Variants in HS3ST5 observed in about 807,000 individuals in gnomAD.
The protein encoded by HS3ST5 is heparan sulfate-glucosamine 3-sulfotransferase 5, also known as heparan sulfate glucosamine 3-O-sulfotransferase 5.
A neutral mutation model predicts 25.4 loss-of-function variants in HS3ST5; 10 were observed. The ratio of observed to expected loss-of-function variants is 0.39; its 90% CI spans 0.24 to 0.67. The LOEUF (loss-of-function observed/expected upper bound fraction) is 0.67, where lower values mean the gene tolerates loss of function less well. HS3ST5 is among the 30% of genes least tolerant of loss of function. The pLI is 0.44. For missense variants in HS3ST5, 324 were observed against 420.7 expected, an observed-to-expected ratio of 0.77 and a Z score of 2.01; for synonymous variants, 170 against 162.4, an observed-to-expected ratio of 1.05 and a Z score of -0.36.
chr6:114,162,251 T>C (rs1034570219), intron 3 of HS3ST5, among the ~76,000 whole-genome samples: 2 of 152,188 alleles, frequency 1.3e-5, no homozygotes, highest in Non-Finnish European at 2.9e-5. Context: ...GAATATTATA[T>C]ATAATGTCTC....
At chr6:114,324,043 A>G (rs1359919534) in intron 1 of HS3ST5, among the ~76,000 whole-genome samples, 1 of 152,146 alleles carries the variant, frequency 6.6e-6, no homozygotes, top group Non-Finnish European at 1.5e-5. Context: ...AGATTCTGAG[A>G]GTATAAGATT....
rs1267871450 is a variant in HS3ST5, at chr6:114,342,601, G to A, written c.-745C>T. 2 of 154,010 alleles carry A rather than the reference G, an allele frequency of 1.3e-5. No individual in the cohort carries two copies. Among genetic ancestry groups the A allele is most frequent in the East Asian group, 3.9e-4 (2 of 5,174 alleles). The allele number at this position is 154,010 out of a possible 1,614,324, so 9.5% of individuals were successfully genotyped here. ...ACGGCACGGGCGGCCGCAGGAGCCG[G>A]AGTCCGCGCAGTGCCGGAGACCGCA... On this transcript the variant is annotated 5_prime_UTR_variant, in exon 1 of 5. Transcript: ENST00000312719.
intron 3 of HS3ST5, among the ~76,000 whole-genome samples, chr6:114,156,154 C>T (rs1778687688): frequency 6.6e-6 from 1 of 151,942 alleles, no homozygotes; most frequent in African/African-American, 2.4e-5. Context: ...AAGGACAGGA[C>T]CTTTCCTTCC....
intron 3 of HS3ST5, among the ~76,000 whole-genome samples, chr6:114,089,501 C>A (rs1454981982): frequency 1.3e-5 from 2 of 152,172 alleles, no homozygotes; most frequent in East Asian, 3.8e-4. Context: ...TGATATTTTA[C>A]AGAGCACCTG....
At chr6:114,099,180 G>A (rs1016050389) in intron 3 of HS3ST5, among the ~76,000 whole-genome samples, 2 of 152,128 alleles carry the variant, frequency 1.3e-5, no homozygotes, top group African/African-American at 4.8e-5. Flanking sequence ...TAGAGGGTCA[G>A]CCATAAGCCT....
At chr6:114,213,648 C>T (rs1454021530) in intron 2 of HS3ST5, among the ~76,000 whole-genome samples, 5 of 152,094 alleles carry the variant, frequency 3.3e-5, no homozygotes, top group African/African-American at 1.2e-4. Context: ...CCAGGTATCT[C>T]AAGATAAGGT....
chr6:114,154,567 T>C (rs868182077), intron 3 of HS3ST5, among the ~76,000 whole-genome samples: 1 of 152,196 alleles, frequency 6.6e-6, no homozygotes, highest in African/African-American at 2.4e-5. Context: ...AACTGTGACA[T>C]ATTTGAATAA....
intron 3 of HS3ST5, among the ~76,000 whole-genome samples, chr6:114,109,089 G>A (rs139665193): frequency 1.2e-4 from 18 of 152,194 alleles, no homozygotes; most frequent in African/African-American, 4.3e-4. Flanking sequence ...CTTAAGCCTG[G>A]GAGGTCAAGG....
chr6:114,173,815 C>T (rs1779588010), intron 2 of HS3ST5, among the ~76,000 whole-genome samples: 2 of 152,094 alleles, frequency 1.3e-5, no homozygotes, highest in Admixed American at 1.3e-4. Context: ...GCCAAGATCA[C>T]ACCACTGCAT....
chr6:114,100,229 T>TA (rs1775652408), intron 3 of HS3ST5, among the ~76,000 whole-genome samples: 2 of 152,088 alleles, frequency 1.3e-5, no homozygotes, highest in African/African-American at 4.8e-5. Context: ...CTTCCCCACA[T>TA]ACATGTCTTT....
intron 3 of HS3ST5, among the ~76,000 whole-genome samples, chr6:114,102,487 T>C: frequency 6.6e-6 from 1 of 152,110 alleles, no homozygotes; most frequent in East Asian, 1.9e-4. Flanking sequence ...GGGTCCCCAA[T>C]GCCTTAGATG....
At chr6:114,232,006 G>A (rs1251073652) in intron 1 of HS3ST5, among the ~76,000 whole-genome samples, 2 of 151,812 alleles carry the variant, frequency 1.3e-5, no homozygotes, top group Non-Finnish European at 2.9e-5. Context: ...GTGAATCTAG[G>A]GATTCCTTTT....
In HS3ST5 at chr6:114,058,100, G is replaced by C. The variant is rs779847394; in HGVS notation, c.198C>G (p.Gly66=). Residue 66 remains glycine, a synonymous_variant, in exon 5 of 5, where the codon GGC becomes GGG. Transcript: ENST00000312719. The part of the protein sequence containing the change: ...FPLRALQFKR[G]LLHEFRKGNA... Reference sequence around the variant, plus strand: ...TGCCCTTCCGGAACTCGTGCAGCAGGCCACGCTTAAACTGCAGGGCGCGAA... The same window carrying C: ...TGCCCTTCCGGAACTCGTGCAGCAGCCCACGCTTAAACTGCAGGGCGCGAA... 6.2e-7 allele frequency: 1 copy of C among 1,614,132 alleles called. No homozygotes were observed. Among genetic ancestry groups the C allele is most frequent in the South Asian group, 1.1e-5 (1 of 91,072 alleles).
intron 1 of HS3ST5, among the ~76,000 whole-genome samples, chr6:114,300,509 C>T (rs1590320): frequency 0.65 from 98,436 of 151,914 alleles, 32,248 homozygotes; most frequent in African/African-American, 0.7. Context: ...ATAATAAGTG[C>T]TGGTAAGAAT....
At chr6:114,180,140 C>T (rs77925522) in intron 2 of HS3ST5, among the ~76,000 whole-genome samples, 1 of 152,094 alleles carries the variant, frequency 6.6e-6, no homozygotes, top group African/African-American at 2.4e-5. Context: ...TCTGGCAACA[C>T]CCAGAAACAC....
chr6:114,334,121 C>A (rs758855365), intron 1 of HS3ST5, among the ~76,000 whole-genome samples: 1 of 152,108 alleles, frequency 6.6e-6, no homozygotes, highest in African/African-American at 2.4e-5. Flanking sequence ...CCAAGTACCA[C>A]GGAAATAGGG....
At chr6:114,096,512 A>G (rs544975862) in intron 3 of HS3ST5, among the ~76,000 whole-genome samples, 1 of 152,272 alleles carries the variant, frequency 6.6e-6, no homozygotes, top group South Asian at 2.1e-4. Flanking sequence ...GGTGAGAAAA[A>G]ATGAAGAGAG....
At chr6:114,248,531 TCAGATATTTAC>T (rs1280503638) in intron 1 of HS3ST5, among the ~76,000 whole-genome samples, 1 of 152,050 alleles carries the variant, frequency 6.6e-6, no homozygotes, top group African/African-American at 2.4e-5. Context: ...TGGCAATAAT[TCAGATATTTAC>T]CAGACAGTCA....
intron 2 of HS3ST5, among the ~76,000 whole-genome samples, chr6:114,201,552 C>A (rs1396547726): frequency 1.3e-5 from 2 of 152,062 alleles, no homozygotes; most frequent in Non-Finnish European, 2.9e-5. Context: ...TGCTAGGCAC[C>A]TTTCACCTTA....
Sources: gnomAD v4.1 joint callset for allele counts (sites outside exome capture counted in the v4.1 genomes callset) on GRCh38, gnomAD v4.1.1 for gene constraint, MANE v1.5 for transcripts, NCBI Gene and HGNC (gene_info 2026-07-23, HGNC 2026-07-21) for gene names.